APBB2: variants seen among roughly 807,000 people sequenced by gnomAD.
The protein encoded by APBB2 is amyloid beta precursor protein binding family B member 2.
Under a neutral mutation model 82.5 loss-of-function variants are expected in APBB2, and 38 were observed. The observed-to-expected ratio is 0.46, with a 90% confidence interval of 0.36 to 0.60. APBB2 has a LOEUF of 0.60. Ranked by LOEUF, APBB2 falls within the 20% of genes least tolerant of loss-of-function variation. APBB2 has a pLI of 0.00. For missense variants in APBB2, 772 were observed against 972.3 expected (o/e 0.79, Z 2.74); for synonymous variants, 341 against 368.2 (o/e 0.93, Z 0.85).
At chr4:40,885,972 T>C (rs1483058032) in intron 12 of APBB2, among the ~76,000 whole-genome samples, 2 of 152,136 alleles carry the variant, frequency 1.3e-5, no homozygotes, top group African/African-American at 4.8e-5. Flanking sequence ...GATTAATCAC[T>C]GATAGGGAAG....
At chr4:41,180,005 CTT>C (rs1309455703) in intron 1 of APBB2, among the ~76,000 whole-genome samples, 1 of 152,200 alleles carries the variant, frequency 6.6e-6, no homozygotes, top group African/African-American at 2.4e-5. Context: ...TAATCCTTCT[CTT>C]TCTTTCATAC....
At chr4:41,011,337 C>G (rs1413263595) in intron 6 of APBB2, among the ~76,000 whole-genome samples, 1 of 150,948 alleles carries the variant, frequency 6.6e-6, no homozygotes, top group African/African-American at 2.4e-5. Context: ...CGCACCACCA[C>G]ACCAAGCTAA....
At chr4:40,970,566 T>C (rs1006428343) in intron 6 of APBB2, among the ~76,000 whole-genome samples, 3 of 152,146 alleles carry the variant, frequency 2.0e-5, no homozygotes, top group African/African-American at 7.2e-5. Flanking sequence ...ACTTCAGCAA[T>C]GGTCTTGCCA....
chr4:40,955,585 C>A (rs1039122534), intron 6 of APBB2, among the ~76,000 whole-genome samples: 1 of 152,162 alleles, frequency 6.6e-6, no homozygotes, highest in Non-Finnish European at 1.5e-5. Flanking sequence ...CGGAGCTTAA[C>A]GCTTCAATCC....
intron 4 of APBB2, among the ~76,000 whole-genome samples, chr4:41,059,399 C>A (rs1470164014): frequency 6.6e-6 from 1 of 152,246 alleles, no homozygotes; most frequent in Non-Finnish European, 1.5e-5. Context: ...ATGTTGGGGG[C>A]AAGCCCCCCA....
At chr4:40,972,268 A>C (rs918560719) in intron 6 of APBB2, among the ~76,000 whole-genome samples, 1 of 151,996 alleles carries the variant, frequency 6.6e-6, no homozygotes, top group African/African-American at 2.4e-5. Flanking sequence ...CTCCACTAAA[A>C]ATACAAAAAA....
At chr4:41,027,482 T>G (rs947232980) in intron 5 of APBB2, among the ~76,000 whole-genome samples, 3 of 151,064 alleles carry the variant, frequency 2.0e-5, no homozygotes, top group Admixed American at 2.0e-4. Context: ...GTATAAGGCT[T>G]CTAAATTCTC....
intron 5 of APBB2, among the ~76,000 whole-genome samples, chr4:41,033,018 C>T (rs958511549): frequency 6.6e-6 from 1 of 151,858 alleles, no homozygotes; most frequent in Non-Finnish European, 1.5e-5. Flanking sequence ...CTCCTGACCT[C>T]GTGATCCGCC....
chr4:40,962,526 ACTT>A (rs138160958), intron 6 of APBB2, among the ~76,000 whole-genome samples: 64 of 152,320 alleles, frequency 4.2e-4, no homozygotes, highest in African/African-American at 1.5e-3. Flanking sequence ...CAAAGACCAG[ACTT>A]CTTGTTCTTT....
intron 3 of APBB2, among the ~76,000 whole-genome samples, chr4:41,066,929 A>G (rs1489649534): frequency 6.6e-6 from 1 of 152,210 alleles, no homozygotes; most frequent in Non-Finnish European, 1.5e-5. Context: ...ACAATCATTC[A>G]GGGAGAAGGA....
chr4:40,882,559 C>G (rs1431002799), intron 12 of APBB2, among the ~76,000 whole-genome samples: 1 of 152,202 alleles, frequency 6.6e-6, no homozygotes, highest in Non-Finnish European at 1.5e-5. Context: ...TAGGATGGTG[C>G]TCAGAGAAAC....
At chr4:40,876,108 G>A (rs1246498599) in intron 12 of APBB2, among the ~76,000 whole-genome samples, 3 of 152,166 alleles carry the variant, frequency 2.0e-5, no homozygotes, top group Non-Finnish European at 4.4e-5. Context: ...GCCTTTCTTA[G>A]GTTCCTTTGA....
Position 40,944,862 on chromosome 4 carries a change from TACC to T in APBB2, c.1044_1044+2del. 1 of 1,612,632 alleles carries T rather than the reference TACC, an allele frequency of 6.2e-7. No individual in the cohort carries two copies. The highest frequency in any genetic ancestry group is 8.5e-7 in the Non-Finnish European group (1 of 1,179,928). ...AAGCTGGTAAAAAGACACTCCGTTT[TACC>T]TCGTTCTCTGGGGTGGGAGATGGCG... On this transcript the variant is annotated splice_donor_variant and coding_sequence_variant, in exon 7 of 18. Transcript: ENST00000508593. LOFTEE classifies it high-confidence loss of function.
At chr4:41,021,581 C>G (rs928046588) in intron 5 of APBB2, among the ~76,000 whole-genome samples, 2 of 152,166 alleles carry the variant, frequency 1.3e-5, no homozygotes, top group Non-Finnish European at 2.9e-5. Context: ...CCCTCTATGT[C>G]TAGCTAAAGG....
At chr4:40,916,749 A>G (rs1271056512) in intron 10 of APBB2, among the ~76,000 whole-genome samples, 1 of 152,178 alleles carries the variant, frequency 6.6e-6, no homozygotes, top group African/African-American at 2.4e-5. Context: ...GATCACACAA[A>G]AACAAGGAGG....
chr4:40,951,709 T>C (rs1198891127), intron 6 of APBB2, among the ~76,000 whole-genome samples: 1 of 152,210 alleles, frequency 6.6e-6, no homozygotes, highest in African/African-American at 2.4e-5. Flanking sequence ...GAATAAAGGT[T>C]GGCATGCAGC....
At chr4:40,909,813 G>C (rs1778056788) in intron 10 of APBB2, among the ~76,000 whole-genome samples, 1 of 152,146 alleles carries the variant, frequency 6.6e-6, no homozygotes. Flanking sequence ...GTCTTGGCAG[G>C]GAAAGCATGA....
At chr4:41,183,825 G>A (rs1772113106) in intron 1 of APBB2, among the ~76,000 whole-genome samples, 1 of 151,690 alleles carries the variant, frequency 6.6e-6, no homozygotes, top group South Asian at 2.1e-4. Flanking sequence ...CTATGGACTG[G>A]GGGAGTTGCA....
intron 10 of APBB2, among the ~76,000 whole-genome samples, chr4:40,924,051 C>G (rs895085315): frequency 4.3e-4 from 65 of 152,238 alleles, no homozygotes; most frequent in African/African-American, 1.5e-3. Flanking sequence ...GGACAAGGGT[C>G]AGGGAGCCTG....
Sources: gnomAD v4.1 joint callset for allele counts (sites outside exome capture counted in the v4.1 genomes callset) on GRCh38, gnomAD v4.1.1 for gene constraint, MANE v1.5 for transcripts, NCBI Gene and HGNC (gene_info 2026-07-23, HGNC 2026-07-21) for gene names.